Variants in CCDC33 observed in about 807,000 individuals in gnomAD.
CCDC33 encodes coiled-coil domain containing 33, also known as coiled-coil domain-containing protein 33.
A neutral mutation model predicts 91.9 loss-of-function variants in CCDC33; 94 were observed. That is an observed-to-expected ratio of 1.02 (90% CI 0.87 to 1.21). The LOEUF is 1.21. Among genes scored for constraint, CCDC33 ranks in the 50% most tolerant of loss-of-function variants. The pLI is 0.00. For missense variants in CCDC33, 940 were observed against 935.5 expected (o/e 1.00, Z -0.06); for synonymous variants, 396 against 374.5 (o/e 1.06, Z -0.66).
chr15:74,230,033 A>T (rs1037371073), intron 2 of CCDC33, among the ~76,000 whole-genome samples: 6 of 152,180 alleles, frequency 3.9e-5, no homozygotes, highest in African/African-American at 1.2e-4. Flanking sequence ...GGGAAGAGGG[A>T]TGGCCCAGGC....
chr15:74,291,418 G>A (rs1239590582), intron 10 of CCDC33, among the ~76,000 whole-genome samples: 1 of 152,280 alleles, frequency 6.6e-6, no homozygotes, highest in Non-Finnish European at 1.5e-5. Flanking sequence ...GCGATTGGAA[G>A]CAGATTTCTT....
intron 10 of CCDC33, 49 bp from the exon 11 acceptor site, chr15:74,295,705 C>A: frequency 1.3e-6 from 2 of 1,492,400 alleles, no homozygotes; most frequent in South Asian, 1.3e-5. Context: ...GGTAGATGGG[C>A]ACAGAGAAGG....
rs747423160 is a variant in CCDC33, at chr15:74,240,191, G to A, written c.21+3451G>A. 5.3e-5 allele frequency among the ~76,000 whole-genome samples: 8 copies of A among 152,218 alleles called. No individual in the cohort carries two copies. In the East Asian group the frequency reaches 5.8e-4, roughly 11 times the overall value. ...CCAGAACTGAAACACAATAGTTCTC[G>A]CCAAACTTCCTGCAAGCTTTATTCC... On this transcript the variant is annotated intron_variant, in intron 1 of 18. Coordinates refer to ENST00000398814, the MANE Select transcript of CCDC33 (RefSeq NM_025055.5).
chr15:74,240,230 T>C (rs994907190), intron 1 of CCDC33, among the ~76,000 whole-genome samples: 17 of 152,230 alleles, frequency 1.1e-4, no homozygotes, highest in Admixed American at 1.0e-3. Flanking sequence ...AAGGGAAGGC[T>C]GTCCCCGAGG....
chr15:74,241,431 G>A (rs2075345241), intron 1 of CCDC33, among the ~76,000 whole-genome samples: 1 of 152,224 alleles, frequency 6.6e-6, no homozygotes, highest in African/African-American at 2.4e-5. Flanking sequence ...GAGGCGGGGA[G>A]GCAGGAGGGA....
intron 2 of CCDC33, among the ~76,000 whole-genome samples, chr15:74,257,264 T>C (rs2075894486): frequency 6.6e-6 from 1 of 152,222 alleles, no homozygotes; most frequent in Admixed American, 6.5e-5. Context: ...AGTGGCAGCC[T>C]CCTGGGGCTC....
intron 1 of CCDC33, among the ~76,000 whole-genome samples, chr15:74,240,811 T>G (rs1032923608): frequency 3.3e-5 from 5 of 152,224 alleles, no homozygotes; most frequent in African/African-American, 1.2e-4. Context: ...CCGGCTGGTC[T>G]CGATCTCCCA....
intron 1 of CCDC33, chr15:74,217,650 A>AC (rs1470861206): frequency 1.5e-5 from 17 of 1,121,552 alleles, no homozygotes; most frequent in Middle Eastern, 3.6e-4. Flanking sequence ...CCTTTCTGGG[A>AC]CCCCAGAGAG....
rs138152255 is a variant in CCDC33, at chr15:74,280,395, C to T, written c.890-273C>T. Among the ~76,000 whole-genome samples the T allele has an allele frequency of 3.3e-3, 506 of 152,290 alleles. 5 individuals carry two copies. Among genetic ancestry groups the T allele is most frequent in the African/African-American group, 0.012 (492 of 41,550 alleles). On this transcript the variant is annotated intron_variant, in intron 8 of 18. Coordinates refer to ENST00000398814, the MANE Select transcript of CCDC33 (RefSeq NM_025055.5). ...GGGTGAGGGAGATGGGCTTCAGAGACCAGCTGATCCACAGTTTTCTGCACT... is the reference window on the plus strand; with the variant it reads ...GGGTGAGGGAGATGGGCTTCAGAGATCAGCTGATCCACAGTTTTCTGCACT...
At chr15:74,296,433 T>G (rs552769462) in intron 11 of CCDC33, among the ~76,000 whole-genome samples, 185 of 152,234 alleles carry the variant, frequency 1.2e-3, no homozygotes, top group African/African-American at 4.3e-3. Context: ...GAGACCAGCC[T>G]GACCTACATG....
At chr15:74,278,983 A>G (rs2076520604) in intron 7 of CCDC33, among the ~76,000 whole-genome samples, 1 of 152,218 alleles carries the variant, frequency 6.6e-6, no homozygotes, top group African/African-American at 2.4e-5. Context: ...TGTGTGGGAA[A>G]GAGAGGGGCT....
chr15:74,321,797 T>G (rs1422243438), intron 11 of CCDC33, among the ~76,000 whole-genome samples: 2 of 152,228 alleles, frequency 1.3e-5, no homozygotes, highest in Non-Finnish European at 2.9e-5. Context: ...GAGTTCTGTT[T>G]GGCAAATCTG....
chr15:74,314,500 AG>A (rs1345087325), intron 11 of CCDC33, among the ~76,000 whole-genome samples: 1 of 152,204 alleles, frequency 6.6e-6, no homozygotes, highest in Non-Finnish European at 1.5e-5. Context: ...GGATTCAGTT[AG>A]GGCAAAATGC....
rs577255509 is a variant in CCDC33, at chr15:74,306,945, C to G, written c.1290+10997C>G. Among the ~76,000 whole-genome samples, 17 of 152,318 alleles carry G rather than the reference C, an allele frequency of 1.1e-4. No individual in the cohort carries two copies. In the South Asian group the frequency reaches 3.5e-3, roughly 32 times the overall value. On this transcript the variant is annotated intron_variant, in intron 11 of 18. Coordinates refer to ENST00000398814, the MANE Select transcript of CCDC33 (RefSeq NM_025055.5). ...CTCCCCTCCTGGGCCTCCGTCTCCC[C>G]TCCTGTGGAGTGAGGAGCCTGGTCT...
intron 3 of CCDC33, among the ~76,000 whole-genome samples, chr15:74,266,100 G>A (rs1286342473): frequency 6.6e-6 from 1 of 152,182 alleles, no homozygotes; most frequent in Non-Finnish European, 1.5e-5. Flanking sequence ...TTACTAAGTG[G>A]TGCATTATTC....
Position 74,316,496 on chromosome 15 carries a change from A to C in CCDC33, c.1291-13693A>C, listed in dbSNP as rs1173902031. Among the ~76,000 whole-genome samples the C allele has an allele frequency of 6.6e-6, 1 of 152,214 alleles. No homozygotes were observed. The highest frequency in any genetic ancestry group is 1.5e-5 in the Non-Finnish European group (1 of 68,026). ...TGGCGCACAGCAGGCAGGGGAGGAC[A>C]GGGCCCCTTGCAGGGAGGGGTGGTG... On this transcript the variant is annotated intron_variant, in intron 11 of 18. Coordinates refer to ENST00000398814, the MANE Select transcript of CCDC33 (RefSeq NM_025055.5). The surrounding 1 kb of genome is among the most constrained non-coding windows in gnomAD (Gnocchi z 4.7).
chr15:74,245,859 C>T (rs1004896559), intron 2 of CCDC33, among the ~76,000 whole-genome samples: 1 of 152,180 alleles, frequency 6.6e-6, no homozygotes, highest in African/African-American at 2.4e-5. Context: ...CGTCCCAGGG[C>T]TCCAGACAGG....
intron 2 of CCDC33, among the ~76,000 whole-genome samples, chr15:74,220,945 C>G (rs2074574045): frequency 6.6e-6 from 1 of 152,160 alleles, no homozygotes; most frequent in African/African-American, 2.4e-5. Context: ...TACTTGGAGG[C>G]TCAAAGGCAC....
rs535048796 is a variant in CCDC33, at chr15:74,334,050, T to C, written c.2025+83T>C. ...CAGGGCTCAGTGTGTGAGCAGAGTCTAGGCTCAATCTATGACCAGGATCAA... is the reference window on the plus strand; with the variant it reads ...CAGGGCTCAGTGTGTGAGCAGAGTCCAGGCTCAATCTATGACCAGGATCAA... On this transcript the variant is annotated intron_variant, in intron 17 of 18. Transcript: ENST00000398814. The C allele has an allele frequency of 5.7e-6, 7 of 1,228,870 alleles. No homozygotes were observed. The East Asian group carries it at 7.4e-5, about 13-fold the overall frequency. 76.1% of individuals were successfully genotyped at this position (1,228,870 alleles called of 1,614,324 possible).
Sources: gnomAD v4.1 joint callset for allele counts (sites outside exome capture counted in the v4.1 genomes callset) on GRCh38, gnomAD v4.1.1 for gene constraint, Gnocchi (gnomAD v3.1) non-coding constraint, MANE v1.5 for transcripts, NCBI Gene and HGNC (gene_info 2026-07-23, HGNC 2026-07-21) for gene names.